Variants in ATP11C observed in about 807,000 individuals in gnomAD.
ATP11C encodes the protein ATPase phospholipid transporting 11C (ATP11C blood group).
In ATP11C, 36 loss-of-function variants were observed where a neutral mutation model predicts 97.4. That is an observed-to-expected ratio of 0.37 (90% CI 0.28 to 0.49). ATP11C has a LOEUF of 0.49. Ranked by LOEUF, ATP11C falls within the 20% of genes least tolerant of loss-of-function variation. The pLI, the probability that ATP11C is intolerant of heterozygous loss-of-function variation, is 0.98. For synonymous variants in ATP11C, 275 were observed against 290.9 expected (o/e 0.95, Z 0.56); for missense variants, 730 against 824.6 (o/e 0.89, Z 1.40).
chrX:139,793,879 T>C (rs750984986), intron 12 of ATP11C, among the ~76,000 whole-genome samples: 1 of 111,508 alleles, frequency 9.0e-6, no homozygotes, highest in South Asian at 3.7e-4. Flanking sequence ...GTGATATTTT[T>C]AAAAACTTGA....
intron 8 of ATP11C, 129 bp downstream of exon 8, chrX:139,799,931 C>T (rs1218867483): frequency 1.6e-5 from 9 of 558,247 alleles, no homozygotes; most frequent in Middle Eastern, 3.3e-4. Context: ...GGATTACAGG[C>T]GTGAGCTACC....
intron 1 of ATP11C, among the ~76,000 whole-genome samples, chrX:139,922,509 C>A: frequency 9.3e-6 from 1 of 108,040 alleles, no homozygotes; most frequent in Non-Finnish European, 1.9e-5. Context: ...ATGTGGAAAT[C>A]CTAACTTCCA....
chrX:139,782,510 G>A, intron 18 of ATP11C, 37 bp downstream of exon 18: 1 of 1,038,524 alleles, frequency 9.6e-7, no homozygotes, highest in Non-Finnish European at 1.3e-6. Flanking sequence ...CCAAAACACT[G>A]GTCATTAAAA....
chrX:139,728,888 A>C lies in ATP11C; in HGVS notation c.*78T>G, dbSNP rs370881637. Reference sequence around the variant, plus strand: ...GATAACTTTTTGTAGTTGTTTCTTCATGCTTTCTTTTTTAGCTGTAACCAC... The same window carrying C: ...GATAACTTTTTGTAGTTGTTTCTTCCTGCTTTCTTTTTTAGCTGTAACCAC... On this transcript the variant is annotated 3_prime_UTR_variant, in exon 30 of 30. Transcript: ENST00000682941. 6.7e-6 allele frequency: 8 copies of C among 1,193,337 alleles called. No homozygotes were observed. The highest frequency in any genetic ancestry group is 1.8e-5 in the African/African-American group (1 of 56,920).
intron 1 of ATP11C, among the ~76,000 whole-genome samples, chrX:139,828,126 T>G (rs1331705700): frequency 3.6e-5 from 4 of 111,363 alleles, no homozygotes; most frequent in Non-Finnish European, 5.7e-5. Context: ...CTAAGAGAAT[T>G]TGTGGGATCC....
Position 139,904,107 on chromosome X carries a change from A to G in ATP11C, c.27+27909T>C, listed in dbSNP as rs149386028. On this transcript the variant is annotated intron_variant, in intron 1 of 29. Transcript: ENST00000682941. The stretch of plus-strand genomic sequence containing the variant: ...TGTAAGGACCTAAACAAAATTCAAA[A>G]CTAAATTTACATAATTTGTGAATTT... Among the ~76,000 whole-genome samples the G allele has an allele frequency of 9.4e-4, 105 of 112,191 alleles. 1 individual carries two copies. Among genetic ancestry groups the G allele is most frequent in the African/African-American group, 3.2e-3 (99 of 30,911 alleles).
chrX:139,740,171 G>GCT lies in ATP11C; in HGVS notation c.3134+818_3134+819dup, dbSNP rs1256668637. On this transcript the variant is annotated intron_variant, in intron 27 of 29. Coordinates refer to ENST00000682941, the MANE Select transcript of ATP11C (RefSeq NM_001353812.2). ...TTACACTATGGCTTGCTCTAGCCAT[G>GCT]CTCTCTGCTGCTGGCATCCTTGTCA... 2.7e-5 allele frequency among the ~76,000 whole-genome samples: 3 copies of GCT among 111,459 alleles called. No homozygotes were observed. The East Asian group carries it at 8.6e-4, about 32-fold the overall frequency.
chrX:139,918,391 C>T (rs1161782381), intron 1 of ATP11C, among the ~76,000 whole-genome samples: 18 of 111,795 alleles, frequency 1.6e-4, no homozygotes, highest in African/African-American at 5.5e-4. Flanking sequence ...GCGGGTGGAT[C>T]ACCTGAAGTC....
chrX:139,733,301 T>C (rs142686762), intron 28 of ATP11C, among the ~76,000 whole-genome samples: 1 of 111,817 alleles, frequency 8.9e-6, no homozygotes, highest in African/African-American at 3.2e-5. Context: ...ATAAGGTAAT[T>C]TACAGACTCA....
chrX:139,800,364 C>T (rs1255724703), intron 7 of ATP11C, among the ~76,000 whole-genome samples: 1 of 112,140 alleles, frequency 8.9e-6, no homozygotes, highest in Non-Finnish European at 1.9e-5. Context: ...AATTGATTTT[C>T]AAGTTCTGTT....
intron 26 of ATP11C, among the ~76,000 whole-genome samples, chrX:139,741,563 GA>G (rs1730355357): frequency 9.0e-6 from 1 of 111,402 alleles, no homozygotes; most frequent in South Asian, 3.8e-4. Context: ...AAGGTGTCGT[GA>G]AAGCTCAAAC....
Position 139,738,082 on chromosome X carries a change from G to T in ATP11C, c.3135-13C>A. On this transcript the variant is annotated splice_polypyrimidine_tract_variant and intron_variant, in intron 27 of 29. Transcript: ENST00000682941. ...CTTGAGAAAAGGCCTGCAGTGGAAA[G>T]AAAATACATGATGGAAAAACAAATC... The T allele has an allele frequency of 8.6e-7, 1 of 1,162,237 alleles. No individual in the cohort carries two copies. The highest frequency in any genetic ancestry group is 1.8e-5 in the African/African-American group (1 of 55,924).
intron 20 of ATP11C, among the ~76,000 whole-genome samples, chrX:139,764,089 T>C (rs1397212323): frequency 8.9e-6 from 1 of 111,907 alleles, no homozygotes; most frequent in Non-Finnish European, 1.9e-5. Flanking sequence ...CAGAGAACAA[T>C]GTTTTTGGTT....
intron 1 of ATP11C, among the ~76,000 whole-genome samples, chrX:139,875,114 G>C (rs1467884235): frequency 1.8e-5 from 2 of 110,970 alleles, no homozygotes; most frequent in Non-Finnish European, 3.8e-5. Context: ...CATATTCTCA[G>C]AATAAAATTG....
Position 139,751,095 on chromosome X carries a change from A to G in ATP11C, c.2701-943T>C, listed in dbSNP as rs1228501060. ...TTAACAAAATAATGTATTTTCAATC[A>G]ATGGCTACTAAAGATAATTACAAAA... On this transcript the variant is annotated intron_variant, in intron 23 of 29. Coordinates refer to ENST00000682941, the MANE Select transcript of ATP11C (RefSeq NM_001353812.2). Among the ~76,000 whole-genome samples, 7 of 112,612 alleles carry G rather than the reference A, an allele frequency of 6.2e-5. No individual in the cohort carries two copies. In the East Asian group the frequency reaches 1.7e-3, roughly 27 times the overall value.
At position 139,756,838 on chromosome X, in the gene ATP11C, G is replaced by C. The variant is rs1021605912; in HGVS notation, c.2700+970C>G. On this transcript the variant is annotated intron_variant, in intron 23 of 29. Coordinates refer to ENST00000682941, the MANE Select transcript of ATP11C (RefSeq NM_001353812.2). ...TACTTCAGGGTGGAGAGTGAGAGGA[G>C]GGAGAGGATCAAAAAGCTACCTATC... 2.7e-5 allele frequency among the ~76,000 whole-genome samples: 3 copies of C among 109,445 alleles called. No individual in the cohort carries two copies. In the Admixed American group the frequency reaches 2.9e-4, roughly 11 times the overall value.
chrX:139,874,865 T>A (rs1465373517), intron 1 of ATP11C, among the ~76,000 whole-genome samples: 2 of 112,104 alleles, frequency 1.8e-5, no homozygotes, highest in African/African-American at 6.5e-5. Context: ...TCCTGATTTA[T>A]CTGGTCTTGA....
intron 12 of ATP11C, among the ~76,000 whole-genome samples, chrX:139,795,133 A>C (rs2082766720): frequency 8.9e-6 from 1 of 112,091 alleles, no homozygotes; most frequent in South Asian, 3.7e-4. Context: ...CCACATTGTC[A>C]ACAAAATAAC....
At chrX:139,758,562 T>C (rs1365626193) in intron 22 of ATP11C, among the ~76,000 whole-genome samples, 1 of 111,253 alleles carries the variant, frequency 9.0e-6, no homozygotes, top group Non-Finnish European at 1.9e-5. Flanking sequence ...ATTTGAGAAA[T>C]ACTAAAAAGA....
Sources: allele counts gnomAD v4.1 joint callset (sites outside exome capture counted in the v4.1 genomes callset), GRCh38; gene constraint gnomAD v4.1.1; transcripts MANE v1.5; gene names NCBI Gene and HGNC (gene_info 2026-07-23, HGNC 2026-07-21).